Variants in SGCZ observed in about 807,000 individuals in gnomAD.
The protein encoded by SGCZ is zeta-sarcoglycan.
A neutral mutation model predicts 41.3 loss-of-function variants in SGCZ; 40 were observed. That is an observed-to-expected ratio of 0.97 (90% CI 0.75 to 1.26). The LOEUF (loss-of-function observed/expected upper bound fraction) is 1.26, where lower values mean the gene tolerates loss of function less well. SGCZ is among the 50% of genes most tolerant of loss of function. SGCZ has a pLI of 0.00. For missense variants in SGCZ, 552 were observed against 369.8 expected (o/e 1.49, Z -4.04); for synonymous variants, 206 against 137.5 (o/e 1.50, Z -3.49).
intron 1 of SGCZ, among the ~76,000 whole-genome samples, chr8:15,073,899 A>C (rs1054426694): frequency 3.9e-5 from 6 of 152,180 alleles, no homozygotes; most frequent in South Asian, 2.1e-4. Context: ...GGTATGTTTT[A>C]CATCAACAGC....
At chr8:14,790,305 G>T (rs1661639515) in intron 1 of SGCZ, among the ~76,000 whole-genome samples, 1 of 152,062 alleles carries the variant, frequency 6.6e-6, no homozygotes. Context: ...AATTAAAATT[G>T]CAAAAACAGT....
At chr8:14,960,336 G>T (rs1348187288) in intron 1 of SGCZ, among the ~76,000 whole-genome samples, 1 of 151,862 alleles carries the variant, frequency 6.6e-6, no homozygotes, top group African/African-American at 2.4e-5. Flanking sequence ...GAGACACCAT[G>T]GAATACAAGT....
At chr8:15,213,912 T>C (rs1801316584) in intron 1 of SGCZ, among the ~76,000 whole-genome samples, 1 of 152,190 alleles carries the variant, frequency 6.6e-6, no homozygotes, top group Non-Finnish European at 1.5e-5. Flanking sequence ...CTATGAATAG[T>C]TATTAACAAC....
intron 1 of SGCZ, among the ~76,000 whole-genome samples, chr8:14,586,276 C>G (rs113817277): frequency 1.7e-3 from 260 of 152,124 alleles, no homozygotes; most frequent in African/African-American, 5.9e-3. Flanking sequence ...TGTAGTGGCC[C>G]GATCTCTGTT....
intron 2 of SGCZ, among the ~76,000 whole-genome samples, chr8:14,444,176 G>C (rs1473595563): frequency 1.3e-5 from 2 of 152,104 alleles, no homozygotes; most frequent in African/African-American, 2.4e-5. Flanking sequence ...GTGCTGGAGA[G>C]GTTGTGGAGA....
At chr8:14,551,125 T>C (rs968434902) in intron 2 of SGCZ, among the ~76,000 whole-genome samples, 1 of 150,462 alleles carries the variant, frequency 6.6e-6, no homozygotes, top group Admixed American at 6.6e-5. Flanking sequence ...TCTTTTTTTT[T>C]TTTTTGCTGG....
chr8:14,617,813 G>C (rs1484342309), intron 1 of SGCZ, among the ~76,000 whole-genome samples: 2 of 151,664 alleles, frequency 1.3e-5, no homozygotes, highest in East Asian at 3.9e-4. Context: ...TGTTGAAGAA[G>C]ATGGAAAAGT....
chr8:15,094,816 C>G (rs1291860140), intron 1 of SGCZ, among the ~76,000 whole-genome samples: 2 of 152,202 alleles, frequency 1.3e-5, no homozygotes, highest in Non-Finnish European at 2.9e-5. Context: ...CCCCTTCGCT[C>G]TGACCCATTC....
At chr8:14,353,845 A>T (rs2117111518) in intron 2 of SGCZ, among the ~76,000 whole-genome samples, 1 of 152,218 alleles carries the variant, frequency 6.6e-6, no homozygotes, top group East Asian at 1.9e-4. Context: ...AAAAAAATCA[A>T]CTAACCTTGA....
intron 5 of SGCZ, among the ~76,000 whole-genome samples, chr8:14,115,768 C>T (rs1802503459): frequency 6.6e-6 from 1 of 151,440 alleles, no homozygotes; most frequent in Non-Finnish European, 1.5e-5. Flanking sequence ...AATCTCCCAT[C>T]AGTTACACCA....
At chr8:14,608,495 G>A (rs1438472529) in intron 1 of SGCZ, among the ~76,000 whole-genome samples, 1 of 151,922 alleles carries the variant, frequency 6.6e-6, no homozygotes, top group Non-Finnish European at 1.5e-5. Flanking sequence ...GTGAGAGAGA[G>A]AGGAGGAGAT....
chr8:14,485,717 G>C (rs1232827032), intron 2 of SGCZ, among the ~76,000 whole-genome samples: 1 of 151,966 alleles, frequency 6.6e-6, no homozygotes, highest in African/African-American at 2.4e-5. Context: ...TAATCTAATT[G>C]GTCTATCTTT....
intron 1 of SGCZ, among the ~76,000 whole-genome samples, chr8:15,170,052 T>C (rs989886497): frequency 1.3e-5 from 2 of 152,122 alleles, no homozygotes; most frequent in African/African-American, 4.8e-5. Context: ...GATAACTGAG[T>C]GGTTTATCAT....
At position 14,923,568 on chromosome 8, in the gene SGCZ, A is replaced by G. The variant is rs149670917; in HGVS notation, c.39+314017T>C. On this transcript the variant is annotated intron_variant, in intron 1 of 7. Transcript: ENST00000382080. ...CATGGTGTCCCTATCTGTTCAATTA[A>G]TTAAAAATCACTTCAAGATTTCTTC... Among the ~76,000 whole-genome samples the G allele has an allele frequency of 8.3e-3, 1,270 of 152,278 alleles. 19 individuals carry two copies. The highest frequency in any genetic ancestry group is 0.051 in the Middle Eastern group (15 of 294).
At chr8:14,453,231 A>G (rs949533777) in intron 2 of SGCZ, among the ~76,000 whole-genome samples, 3 of 152,160 alleles carry the variant, frequency 2.0e-5, no homozygotes, top group Admixed American at 6.5e-5. Context: ...AAAATTTTCT[A>G]TTCGTCTTCA....
At chr8:14,493,259 C>G (rs1381412) in intron 2 of SGCZ, among the ~76,000 whole-genome samples, 3 of 151,162 alleles carry the variant, frequency 2.0e-5, no homozygotes, top group African/African-American at 4.9e-5. Flanking sequence ...CCTCCTCAAT[C>G]TGAATGATTC....
chr8:14,558,764 T>C (rs986049590), intron 1 of SGCZ, among the ~76,000 whole-genome samples: 2 of 151,846 alleles, frequency 1.3e-5, no homozygotes, highest in Middle Eastern at 3.2e-3. Flanking sequence ...CCAAATCCAA[T>C]AGTATATCAA....
intron 1 of SGCZ, among the ~76,000 whole-genome samples, chr8:14,813,622 G>T (rs1002526192): frequency 2.0e-5 from 3 of 152,102 alleles, no homozygotes; most frequent in African/African-American, 7.2e-5. Context: ...TTCCAACTTT[G>T]TAGGTCACCA....
Position 15,054,276 on chromosome 8 carries a change from T to A in SGCZ, c.39+183309A>T, listed in dbSNP as rs62493715. Among the ~76,000 whole-genome samples the A allele has an allele frequency of 4.5e-3, 686 of 152,356 alleles. 4 individuals carry two copies. The highest frequency in any genetic ancestry group is 8.0e-3 in the Non-Finnish European group (546 of 68,040). On this transcript the variant is annotated intron_variant, in intron 1 of 7. Transcript: ENST00000382080. Reference sequence around the variant, plus strand: ...CCCACATTGATTTATCTTACTTCCCTTCTGATGTTAATTCATATGAGTCAG... The same window carrying A: ...CCCACATTGATTTATCTTACTTCCCATCTGATGTTAATTCATATGAGTCAG...
Sources: allele counts gnomAD v4.1 joint callset (sites outside exome capture counted in the v4.1 genomes callset), GRCh38; gene constraint gnomAD v4.1.1; transcripts MANE v1.5; gene names NCBI Gene and HGNC (gene_info 2026-07-23, HGNC 2026-07-21).